The following CRTAC1 variants were observed in gnomAD, a reference collection of about 807,000 sequenced individuals.
CRTAC1 encodes the protein acidic secreted protein in cartilage.
Under a neutral mutation model 67.8 loss-of-function variants are expected in CRTAC1, and 37 were observed. The ratio of observed to expected loss-of-function variants is 0.55; its 90% CI spans 0.42 to 0.72. The LOEUF is 0.72. Among genes scored for constraint, CRTAC1 ranks in the 30% least tolerant of loss-of-function variants. The probability of loss-of-function intolerance (pLI) is 0.00; values close to 1 mark genes in which losing one functional copy is unlikely to be tolerated. For missense variants in CRTAC1, 780 were observed against 931.6 expected (o/e 0.84, Z 2.12); for synonymous variants, 348 against 371.0 (o/e 0.94, Z 0.71).
In CRTAC1 at chr10:98,011,163, C is replaced by T. The variant is rs1321493033; in HGVS notation, c.199G>A (p.Gly67Arg). 1 of 1,614,082 alleles carries T rather than the reference C, an allele frequency of 6.2e-7. No homozygotes were observed. The highest frequency in any genetic ancestry group is 1.3e-5 in the African/African-American group (1 of 74,930). Residue 67 changes from glycine (G) to arginine (R), a missense_variant, in exon 2 of 15, where the codon GGG becomes AGG. Physicochemically the swap from Gly to Arg is moderately radical, Grantham distance 125 (BLOSUM62 -2). Transcript: ENST00000370597. ...CCCGCCACGACGATCTCAAAGTCCC[C>T]ATCATGGTCCACATCAGTAACTGCC... ...GVAVTDVDHDGDFEIVVAGYN... is the reference protein window; with the variant it reads ...GVAVTDVDHDRDFEIVVAGYN...
At chr10:97,961,016 C>T (rs2051516914) in intron 2 of CRTAC1, among the ~76,000 whole-genome samples, 1 of 152,182 alleles carries the variant, frequency 6.6e-6, no homozygotes, top group Non-Finnish European at 1.5e-5. Context: ...TTCCTGTTCT[C>T]TTCCCTGGCT....
At chr10:97,937,300 T>C (rs1428029351) in intron 2 of CRTAC1, among the ~76,000 whole-genome samples, 3 of 152,038 alleles carry the variant, frequency 2.0e-5, no homozygotes, top group African/African-American at 7.3e-5. Flanking sequence ...CTTCATCTCC[T>C]TTAAACCTTT....
intron 1 of CRTAC1, among the ~76,000 whole-genome samples, chr10:98,022,134 T>C (rs1843136392): frequency 6.6e-6 from 1 of 152,006 alleles, no homozygotes; most frequent in Non-Finnish European, 1.5e-5. Context: ...GGCGGGCAGA[T>C]CACAGGAGGT....
intron 2 of CRTAC1, among the ~76,000 whole-genome samples, chr10:97,981,354 T>A (rs1320238609): frequency 6.6e-6 from 1 of 152,250 alleles, no homozygotes; most frequent in Non-Finnish European, 1.5e-5. Context: ...TTCCTGTGAA[T>A]ATTTAAATGT....
intron 3 of CRTAC1, among the ~76,000 whole-genome samples, chr10:97,928,119 G>A (rs2050949736): frequency 6.6e-6 from 1 of 152,098 alleles, no homozygotes; most frequent in African/African-American, 2.4e-5. Context: ...GGGCCATGGA[G>A]CCACAGCCCT....
chr10:97,989,233 C>T (rs1004297288), intron 2 of CRTAC1, among the ~76,000 whole-genome samples: 1 of 152,096 alleles, frequency 6.6e-6, no homozygotes, highest in Non-Finnish European at 1.5e-5. Flanking sequence ...AATCACATGC[C>T]GATTCCTCAT....
intron 1 of CRTAC1, among the ~76,000 whole-genome samples, chr10:98,018,779 G>C (rs930200687): frequency 6.6e-6 from 1 of 152,082 alleles, no homozygotes; most frequent in Non-Finnish European, 1.5e-5. Context: ...GACACTTGTA[G>C]GAGGGCTGAG....
chr10:97,985,935 G>A (rs1224475480), intron 2 of CRTAC1, among the ~76,000 whole-genome samples: 1 of 152,158 alleles, frequency 6.6e-6, no homozygotes, highest in Non-Finnish European at 1.5e-5. Context: ...AGGGACAGAA[G>A]GCCACAACCT....
chr10:97,982,427 G>A (rs542951093), intron 2 of CRTAC1, among the ~76,000 whole-genome samples: 1 of 152,276 alleles, frequency 6.6e-6, no homozygotes, highest in African/African-American at 2.4e-5. Flanking sequence ...GTAAATCTCT[G>A]CTGACTCTGA....
intron 2 of CRTAC1, among the ~76,000 whole-genome samples, chr10:98,004,338 C>A (rs1444472793): frequency 1.3e-5 from 2 of 152,122 alleles, no homozygotes. Flanking sequence ...TAGAAGAGGC[C>A]CTCTTTTCCT....
At chr10:97,901,770 C>T (rs900472316) in intron 7 of CRTAC1, 131 bp from the exon 8 acceptor site, 21 of 1,090,848 alleles carry the variant, frequency 1.9e-5, no homozygotes, top group East Asian at 1.3e-4. Flanking sequence ...TCCTGCCTCC[C>T]GCAAAGGACC....
chr10:97,895,507 A>G lies in CRTAC1; in HGVS notation c.1318-94T>C. On this transcript the variant is annotated intron_variant, in intron 10 of 14. Transcript: ENST00000370597. This position sits in a 1 kb window ranked among gnomAD's most constrained non-coding sequence, Gnocchi z 4.2. ...GGGAGGACGGGAGGGGGAGAGGGAG[A>G]AGAAGGAGGAAGAGAAGAAAGCAGG... 1 of 1,104,608 alleles carries G rather than the reference A, an allele frequency of 9.1e-7. No homozygotes were observed. The highest frequency in any genetic ancestry group is 1.5e-5 in the South Asian group (1 of 65,840). The allele number at this position is 1,104,608 out of a possible 1,614,324, so 68.4% of individuals were successfully genotyped here.
chr10:97,996,729 A>T (rs1037603636), intron 2 of CRTAC1, among the ~76,000 whole-genome samples: 5 of 152,202 alleles, frequency 3.3e-5, no homozygotes, highest in African/African-American at 9.7e-5. Context: ...CCATCCCATT[A>T]TTGGGTATAT....
chr10:97,881,543 G>A (rs1009237961), intron 13 of CRTAC1, among the ~76,000 whole-genome samples: 5 of 152,218 alleles, frequency 3.3e-5, no homozygotes, highest in Non-Finnish European at 7.3e-5. Flanking sequence ...GTGGCACTTG[G>A]CCTACATCCC....
At chr10:97,867,498 G>A (rs2050041741) in intron 14 of CRTAC1, 1 of 152,318 alleles carries the variant, frequency 6.6e-6, no homozygotes, top group Non-Finnish European at 1.5e-5. Context: ...ACCAGAGAGA[G>A]TCAGCCTAGT....
At position 97,882,767 on chromosome 10, in the gene CRTAC1, G is replaced by C; in HGVS notation, c.1675+19C>G. On this transcript the variant is annotated intron_variant, in intron 13 of 14. Coordinates refer to ENST00000370597, the MANE Select transcript of CRTAC1 (RefSeq NM_018058.7). ...ATTCCGGCCTCTACCCCATGCCCTG[G>C]TGACTGAAGGCAACTCACCCATGCA... 19 of 1,613,858 alleles carry C rather than the reference G, an allele frequency of 1.2e-5. No homozygotes were observed. Among genetic ancestry groups the C allele is most frequent in the Non-Finnish European group, 1.6e-5 (19 of 1,179,776 alleles).
intron 11 of CRTAC1, among the ~76,000 whole-genome samples, chr10:97,889,463 T>C (rs868023427): frequency 1.8e-4 from 25 of 136,214 alleles, no homozygotes; most frequent in South Asian, 2.5e-4. Context: ...TGGGGGGGGG[T>C]CCACTGAGCA....
In CRTAC1 at chr10:97,880,331, G is replaced by A. The variant is rs2050195932; in HGVS notation, c.1737C>T (p.Asn579=). The A allele has an allele frequency of 1.2e-6, 2 of 1,614,216 alleles. No homozygotes were observed. The highest frequency in any genetic ancestry group is 1.7e-6 in the Non-Finnish European group (2 of 1,180,028). The change falls in exon 14 of 15, where the codon AAC becomes AAT. Residue 579 remains asparagine, a synonymous_variant. Transcript: ENST00000370597. ...VCPRDKPVCV[N]TYGSYRCRTN... is the part of the protein sequence containing the mutation. ...TCCGGCACCTGTAGCTTCCATAGGT[G>A]TTGACACATACGGGCTTGTCTCGAG...
In CRTAC1 at chr10:98,002,781, T is replaced by G. The variant is rs1842716844; in HGVS notation, c.224+8357A>C. Among the ~76,000 whole-genome samples the G allele has an allele frequency of 7.4e-5, 9 of 120,980 alleles. 1 individual carries two copies. The highest frequency in any genetic ancestry group is 3.7e-3 in the Middle Eastern group (1 of 272). The allele number at this position is 120,980 out of a possible 152,430, so 79.4% of individuals were successfully genotyped here. ...ACTCACTTTTTTTTTTTTTTTTTTT[T>G]TTTTTTTTTTTTTTTTTGAGAGAGT... On this transcript the variant is annotated intron_variant, in intron 2 of 14. Transcript: ENST00000370597.
Sources: allele counts gnomAD v4.1 joint callset (sites outside exome capture counted in the v4.1 genomes callset), GRCh38; gene constraint gnomAD v4.1.1; non-coding constraint Gnocchi (gnomAD v3.1); transcripts MANE v1.5; gene names NCBI Gene and HGNC (gene_info 2026-07-23, HGNC 2026-07-21).